The following SLC16A12 variants were observed in gnomAD, a reference collection of about 807,000 sequenced individuals.
The protein encoded by SLC16A12 is monocarboxylate transporter 12.
SLC16A12 carries 17 observed loss-of-function variants against 42.4 expected under a neutral mutation model. That is an observed-to-expected ratio of 0.40 (90% CI 0.27 to 0.60). SLC16A12 has a LOEUF of 0.60. SLC16A12 is among the 20% of genes least tolerant of loss of function. The pLI is 0.42. For synonymous variants in SLC16A12, 224 were observed against 229.4 expected, an observed-to-expected ratio of 0.98 and a Z score of 0.21; for missense variants, 544 against 623.0, an observed-to-expected ratio of 0.87 and a Z score of 1.35.
At chr10:89,542,667 C>T (rs547815674) in intron 2 of SLC16A12, among the ~76,000 whole-genome samples, 11 of 152,244 alleles carry the variant, frequency 7.2e-5, no homozygotes, top group Non-Finnish European at 1.5e-4. Context: ...ACTCATCTTC[C>T]GTCATGCATG....
chr10:89,470,062 G>A (rs975774325), intron 2 of SLC16A12, among the ~76,000 whole-genome samples: 3 of 152,070 alleles, frequency 2.0e-5, no homozygotes, highest in African/African-American at 7.2e-5. Context: ...GGTAAGCCAG[G>A]TTCCTTTAAA....
At chr10:89,503,932 A>G (rs1843023746) in intron 2 of SLC16A12, among the ~76,000 whole-genome samples, 2 of 152,362 alleles carry the variant, frequency 1.3e-5, no homozygotes, top group African/African-American at 2.4e-5. Flanking sequence ...AATGCTTCTC[A>G]TTTGAGAAGT....
At chr10:89,486,668 G>GAAAGAAAGAAAGAAAGAAAGA (rs1842758473) in intron 2 of SLC16A12, among the ~76,000 whole-genome samples, 2 of 58,420 alleles carry the variant, frequency 3.4e-5, no homozygotes, top group African/African-American at 1.7e-4. Context: ...AGAAAGAAAA[G>GAAAGAAAGAAAGAAAGAAAGA]AAAGAAAGAA....
chr10:89,459,959 A>T (rs1219600451), intron 3 of SLC16A12, among the ~76,000 whole-genome samples: 2 of 152,192 alleles, frequency 1.3e-5, no homozygotes, highest in Non-Finnish European at 2.9e-5. Flanking sequence ...AATAAAATAA[A>T]TGTAGACAAG....
At chr10:89,482,739 C>T (rs999769020) in intron 2 of SLC16A12, among the ~76,000 whole-genome samples, 3 of 149,296 alleles carry the variant, frequency 2.0e-5, no homozygotes, top group African/African-American at 7.4e-5. Flanking sequence ...GACAAGATCA[C>T]ACTACTGAAC....
chr10:89,533,956 GAGA>G (rs1292050232), intron 2 of SLC16A12, among the ~76,000 whole-genome samples: 5 of 152,246 alleles, frequency 3.3e-5, no homozygotes, highest in African/African-American at 7.2e-5. Flanking sequence ...AGGTGGGAAT[GAGA>G]AGATCTGGAT....
chr10:89,458,100 T>G (rs2133734345), intron 3 of SLC16A12, among the ~76,000 whole-genome samples: 1 of 152,280 alleles, frequency 6.6e-6, no homozygotes, highest in African/African-American at 2.4e-5. Context: ...ATTGGCAAAT[T>G]TTTTCTTCTT....
intron 2 of SLC16A12, among the ~76,000 whole-genome samples, chr10:89,500,972 A>C (rs909632156): frequency 6.6e-6 from 1 of 152,228 alleles, no homozygotes; most frequent in South Asian, 2.1e-4. Flanking sequence ...ATGTACACAA[A>C]TCAGTAGCTC....
intron 2 of SLC16A12, among the ~76,000 whole-genome samples, chr10:89,474,494 A>C (rs1402147984): frequency 1.3e-5 from 2 of 152,264 alleles, no homozygotes; most frequent in African/African-American, 4.8e-5. Context: ...TTAAATGGCC[A>C]TTCAGCTGAA....
chr10:89,436,908 G>GAAAGAAAGAAAGAAAGAA (rs1564567595), intron 6 of SLC16A12, among the ~76,000 whole-genome samples: 2 of 148,248 alleles, frequency 1.3e-5, no homozygotes, highest in Admixed American at 6.7e-5. Context: ...AAGAAAGAAA[G>GAAAGAAAGAAAGAAAGAA]AAAGAAAAAG....
intron 2 of SLC16A12, among the ~76,000 whole-genome samples, chr10:89,469,085 C>T (rs1030965512): frequency 3.9e-5 from 6 of 152,264 alleles, no homozygotes; most frequent in Non-Finnish European, 7.4e-5. Context: ...GCTGAGATCA[C>T]GCCACTGCAC....
At chr10:89,448,966 GACAA>G (rs1221253572) in intron 3 of SLC16A12, among the ~76,000 whole-genome samples, 7 of 152,120 alleles carry the variant, frequency 4.6e-5, no homozygotes, top group Admixed American at 1.3e-4. Flanking sequence ...ACTAATAACA[GACAA>G]ACAGAGAGCC....
chr10:89,551,314 A>G (rs7902603), intron 2 of SLC16A12, among the ~76,000 whole-genome samples: 69,308 of 151,652 alleles, frequency 0.46, 17,969 homozygotes, highest in African/African-American at 0.73. Context: ...AGGATGGTGC[A>G]TGTTTGTAGT....
intron 2 of SLC16A12, among the ~76,000 whole-genome samples, chr10:89,528,187 A>T (rs1843486355): frequency 6.6e-6 from 1 of 152,150 alleles, no homozygotes; most frequent in African/African-American, 2.4e-5. Flanking sequence ...GGTGACAAAG[A>T]GAGACCCTGT....
At chr10:89,541,207 T>C (rs1237500048) in intron 2 of SLC16A12, among the ~76,000 whole-genome samples, 3 of 151,974 alleles carry the variant, frequency 2.0e-5, no homozygotes, top group African/African-American at 7.2e-5. Flanking sequence ...ATTACAGGCG[T>C]GAGCCACCAC....
chr10:89,489,151 A>T (rs1351110530), intron 2 of SLC16A12, among the ~76,000 whole-genome samples: 1 of 152,192 alleles, frequency 6.6e-6, no homozygotes, highest in Non-Finnish European at 1.5e-5. Flanking sequence ...TCACCATTTC[A>T]TAGACATATT....
intron 2 of SLC16A12, among the ~76,000 whole-genome samples, chr10:89,473,851 G>T (rs1037789329): frequency 6.6e-5 from 10 of 152,118 alleles, no homozygotes; most frequent in Non-Finnish European, 1.2e-4. Flanking sequence ...GAAACTCAGT[G>T]TCCTCAGCCA....
At chr10:89,486,953 C>T (rs1842765817) in intron 2 of SLC16A12, among the ~76,000 whole-genome samples, 1 of 152,072 alleles carries the variant, frequency 6.6e-6, no homozygotes, top group Admixed American at 6.6e-5. Flanking sequence ...GGGCTGGTAC[C>T]AAATCAACCA....
At chr10:89,535,797 C>A (rs1326090608), upstream of SLC16A12, among the ~76,000 whole-genome samples, 2 of 152,050 alleles carry the variant, frequency 1.3e-5, no homozygotes, top group African/African-American at 2.4e-5. Flanking sequence ...CTGCGCGATC[C>A]GCGCTTCGGT....
Sources: allele counts gnomAD v4.1 joint callset (sites outside exome capture counted in the v4.1 genomes callset), GRCh38; gene constraint gnomAD v4.1.1; transcripts MANE v1.5; gene names NCBI Gene and HGNC (gene_info 2026-07-23, HGNC 2026-07-21).